VWC2L: variants seen among roughly 807,000 people sequenced by gnomAD.
The protein encoded by VWC2L is von Willebrand factor C domain-containing protein 2-like.
In VWC2L, 10 loss-of-function variants were observed where a neutral mutation model predicts 21.6. That is an observed-to-expected ratio of 0.46 (90% CI 0.29 to 0.78). The LOEUF is 0.78. Ranked by LOEUF, VWC2L falls within the 30% of genes least tolerant of loss-of-function variation. The pLI is 0.10. For missense variants in VWC2L, 209 were observed against 277.1 expected, an observed-to-expected ratio of 0.75 and a Z score of 1.74; for synonymous variants, 96 against 94.3, an observed-to-expected ratio of 1.02 and a Z score of -0.10.
chr2:214,415,752 C>T (rs749967382), intron 2 of VWC2L, among the ~76,000 whole-genome samples: 1 of 152,020 alleles, frequency 6.6e-6, no homozygotes, highest in Non-Finnish European at 1.5e-5. Flanking sequence ...CCAAGAATAC[C>T]CAGTCATTGG....
intron 3 of VWC2L, among the ~76,000 whole-genome samples, chr2:214,520,995 G>T (rs557011206): frequency 6.6e-6 from 1 of 151,668 alleles, no homozygotes; most frequent in African/African-American, 2.4e-5. Context: ...AGGCTGAGGC[G>T]GGTGGATCAC....
chr2:214,444,903 A>G (rs572496794), intron 3 of VWC2L, among the ~76,000 whole-genome samples: 11 of 152,136 alleles, frequency 7.2e-5, no homozygotes, highest in African/African-American at 2.4e-4. Flanking sequence ...AAATCAAATC[A>G]TAACGGTATG....
At chr2:214,560,249 C>CT (rs1689945214) in intron 3 of VWC2L, among the ~76,000 whole-genome samples, 1 of 152,136 alleles carries the variant, frequency 6.6e-6, no homozygotes, top group African/African-American at 2.4e-5. Flanking sequence ...AGCAGGGCAT[C>CT]TTTGGTAGTA....
chr2:214,422,785 A>G (rs761601402), intron 2 of VWC2L, among the ~76,000 whole-genome samples: 1 of 152,200 alleles, frequency 6.6e-6, no homozygotes, highest in Non-Finnish European at 1.5e-5. Flanking sequence ...AAGAGTGAAT[A>G]AAGTACTAAA....
At chr2:214,529,153 C>T (rs772636313) in intron 3 of VWC2L, among the ~76,000 whole-genome samples, 2 of 152,152 alleles carry the variant, frequency 1.3e-5, no homozygotes, top group Non-Finnish European at 2.9e-5. Context: ...GCTCTTGCCA[C>T]CTTAGCACAG....
chr2:214,420,134 A>G (rs533599122), intron 2 of VWC2L, among the ~76,000 whole-genome samples: 4 of 152,308 alleles, frequency 2.6e-5, no homozygotes, highest in African/African-American at 4.8e-5. Flanking sequence ...GTTGATGCCA[A>G]TTTGGATTTA....
chr2:214,467,779 T>C (rs556016373), intron 3 of VWC2L, among the ~76,000 whole-genome samples: 25 of 152,300 alleles, frequency 1.6e-4, no homozygotes, highest in African/African-American at 5.8e-4. Context: ...ATGATGGTCA[T>C]TCAATAACTA....
intron 3 of VWC2L, chr2:214,473,651 TTGGGG>T: frequency 6.6e-6 from 1 of 152,046 alleles, no homozygotes; most frequent in African/African-American, 2.4e-5. Context: ...ATGTCCAGTT[TTGGGG>T]AAGGCATATA....
chr2:214,574,666 A>G (rs987081347), intron 3 of VWC2L, among the ~76,000 whole-genome samples: 2 of 152,158 alleles, frequency 1.3e-5, no homozygotes, highest in Admixed American at 6.5e-5. Flanking sequence ...TCTTTACCCA[A>G]ATGTGTACCT....
At chr2:214,521,583 T>G (rs1040816070) in intron 3 of VWC2L, among the ~76,000 whole-genome samples, 1 of 152,230 alleles carries the variant, frequency 6.6e-6, no homozygotes, top group Non-Finnish European at 1.5e-5. Flanking sequence ...CTACATTTGT[T>G]GCCAATAAAA....
At chr2:214,520,906 G>A (rs1689227927) in intron 3 of VWC2L, among the ~76,000 whole-genome samples, 1 of 151,920 alleles carries the variant, frequency 6.6e-6, no homozygotes, top group East Asian at 1.9e-4. Context: ...AATAATAATA[G>A]TAATATATAT....
At position 214,578,946 on chromosome 2, in the gene VWC2L, T is replaced by G. The variant is rs993876473; in HGVS notation, c.*3126T>G. On this transcript the variant is annotated 3_prime_UTR_variant, in exon 4 of 4. Transcript: ENST00000312504. ...AAGAATATATTATTAAAAAATTATT[T>G]TGTTAAATATAAAGTGTGTTAACCA... The G allele has an allele frequency of 1.3e-5, 2 of 152,118 alleles. No individual in the cohort carries two copies. Among genetic ancestry groups the G allele is most frequent in the African/African-American group, 4.8e-5 (2 of 41,434 alleles). 9.4% of individuals were successfully genotyped at this position (152,118 alleles called of 1,614,324 possible).
rs1689309314 is a variant in VWC2L, at chr2:214,525,072, CA to C, written c.521-50599del. ...ACACACACACACACACACACACACA[CA>C]CACACATACACTTTTAAATAATGGG... is the stretch of plus-strand genomic sequence containing the variant. On this transcript the variant is annotated intron_variant, in intron 3 of 3. Coordinates refer to ENST00000312504, the MANE Select transcript of VWC2L (RefSeq NM_001080500.4). 2.4e-5 allele frequency: 3 copies of C among 125,884 alleles called. No individual in the cohort carries two copies. The East Asian group carries it at 8.2e-4, about 34-fold the overall frequency. The allele number at this position is 125,884 out of a possible 1,614,324, so 7.8% of individuals were successfully genotyped here.
intron 3 of VWC2L, among the ~76,000 whole-genome samples, chr2:214,484,122 G>T (rs77045178): frequency 6.6e-6 from 1 of 152,160 alleles, no homozygotes; most frequent in African/African-American, 2.4e-5. Flanking sequence ...ATGCGCCTGC[G>T]TGTCTGCTTT....
chr2:214,443,050 C>T (rs1210700995), intron 3 of VWC2L, among the ~76,000 whole-genome samples: 1 of 152,096 alleles, frequency 6.6e-6, no homozygotes, highest in African/African-American at 2.4e-5. Context: ...AATATCATCT[C>T]AGGTTAGGGT....
intron 3 of VWC2L, among the ~76,000 whole-genome samples, chr2:214,521,132 G>A (rs982422362): frequency 2.0e-5 from 3 of 151,966 alleles, no homozygotes; most frequent in Admixed American, 6.6e-5. Flanking sequence ...GGCTGAGGCA[G>A]GAGAATGGTG....
chr2:214,548,131 A>C (rs1689738607), intron 3 of VWC2L, among the ~76,000 whole-genome samples: 1 of 151,990 alleles, frequency 6.6e-6, no homozygotes, highest in Non-Finnish European at 1.5e-5. Context: ...AAATCATATG[A>C]CTCATGGACA....
At chr2:214,508,799 G>C (rs1689007724) in intron 3 of VWC2L, among the ~76,000 whole-genome samples, 1 of 151,720 alleles carries the variant, frequency 6.6e-6, no homozygotes, top group Admixed American at 6.6e-5. Context: ...GTGTTTTTTT[G>C]GTTTGTTTCT....
At chr2:214,548,520 C>A (rs1179674628) in intron 3 of VWC2L, among the ~76,000 whole-genome samples, 2 of 152,094 alleles carry the variant, frequency 1.3e-5, no homozygotes, top group Non-Finnish European at 2.9e-5. Context: ...GGAACTCAAC[C>A]AAGTCCAGTG....
Sources: allele counts gnomAD v4.1 joint callset (sites outside exome capture counted in the v4.1 genomes callset), GRCh38; gene constraint gnomAD v4.1.1; transcripts MANE v1.5; gene names NCBI Gene and HGNC (gene_info 2026-07-23, HGNC 2026-07-21).